SLC19A1: variants seen among roughly 807,000 people sequenced by gnomAD.
SLC19A1 encodes the protein solute carrier family 19 member 1.
Under a neutral mutation model 35.3 loss-of-function variants are expected in SLC19A1, and 37 were observed. The ratio of observed to expected loss-of-function variants is 1.05; its 90% CI spans 0.81 to 1.38. The LOEUF is 1.38. Ranked by LOEUF, SLC19A1 falls within the 40% of genes most tolerant of loss-of-function variation. The pLI, the probability that SLC19A1 is intolerant of heterozygous loss-of-function variation, is 0.00. For missense variants in SLC19A1, 831 were observed against 826.9 expected (o/e 1.00, Z -0.06); for synonymous variants, 460 against 398.5 (o/e 1.15, Z -1.84).
At chr21:45,547,287 A>G (rs959255246), upstream of SLC19A1, among the ~76,000 whole-genome samples, 2 of 152,198 alleles carry the variant, frequency 1.3e-5, no homozygotes, top group Non-Finnish European at 2.9e-5. Flanking sequence ...AACCAAAAAT[A>G]AACTTCTAAG....
At chr21:45,551,731 C>T (rs910475603) in intron 1 of SLC19A1, among the ~76,000 whole-genome samples, 5 of 152,120 alleles carry the variant, frequency 3.3e-5, no homozygotes, top group South Asian at 2.1e-4. Flanking sequence ...CATGGGCTTT[C>T]GAAAAATGCA....
rs777672442 is a variant in SLC19A1, at chr21:45,525,818, T to G, written c.1292A>C (p.Gln431Pro). 6.2e-7 allele frequency: 1 copy of G among 1,613,192 alleles called. No homozygotes were observed. Among genetic ancestry groups the G allele is most frequent in the Admixed American group, 1.7e-5 (1 of 60,020 alleles). The change falls in exon 5 of 6, where the codon CAG (glutamine) becomes CCG (proline). Residue 431 changes from glutamine (Q) to proline (P), a missense_variant and splice_region_variant. Physicochemically the swap from Gln to Pro is moderately conservative, Grantham distance 76. Coordinates refer to ENST00000311124, the MANE Select transcript of SLC19A1 (RefSeq NM_194255.4). ...GACGCAGGCCTGAAATGGGCTCACC[T>G]GCTTGCGGACCGGGAGGCCCAGGCC... ...VRGLGLPVRK[Q>P]FQLYSVYFLI...
chr21:45,556,895 C>T (rs1336075389), intron 1 of SLC19A1, among the ~76,000 whole-genome samples: 1 of 150,960 alleles, frequency 6.6e-6, no homozygotes, highest in Non-Finnish European at 1.5e-5. Flanking sequence ...CCTGGGACGG[C>T]GACTCAGATG....
At chr21:45,511,285 G>A (rs529328722), downstream of SLC19A1, 15 of 920,632 alleles carry the variant, frequency 1.6e-5, no homozygotes, top group Admixed American at 1.8e-4. Context: ...AGGCGGGCGG[G>A]CGGGCTCCTA....
At chr21:45,553,530 T>G (rs943268221) in intron 1 of SLC19A1, among the ~76,000 whole-genome samples, 6 of 151,604 alleles carry the variant, frequency 4.0e-5, no homozygotes, top group African/African-American at 1.5e-4. Context: ...ATTAAGGACA[T>G]TCACACTGTT....
chr21:45,539,628 C>T (rs1419739611), intron 1 of SLC19A1, among the ~76,000 whole-genome samples: 3 of 152,204 alleles, frequency 2.0e-5, no homozygotes, highest in South Asian at 2.1e-4. Context: ...CCCTGAACCG[C>T]CCCCAACCTG....
At chr21:45,554,966 G>C (rs1249223117) in intron 1 of SLC19A1, among the ~76,000 whole-genome samples, 1 of 151,104 alleles carries the variant, frequency 6.6e-6, no homozygotes, top group East Asian at 2.0e-4. Flanking sequence ...CCATTCCCTG[G>C]GTCGATGTTT....
intron 1 of SLC19A1, among the ~76,000 whole-genome samples, chr21:45,541,573 C>A (rs2146458725): frequency 6.6e-6 from 1 of 152,370 alleles, no homozygotes; most frequent in East Asian, 1.9e-4. Flanking sequence ...AGGGGGATGG[C>A]TTTCCTGCTG....
downstream of SLC19A1, chr21:45,512,159 T>C: frequency 1.9e-6 from 3 of 1,597,798 alleles, no homozygotes; most frequent in Non-Finnish European, 2.6e-6. Context: ...CAGGTCTGGG[T>C]TTGACTGACG....
At chr21:45,524,751 C>T (rs1044512687) in intron 5 of SLC19A1, among the ~76,000 whole-genome samples, 5 of 109,178 alleles carry the variant, frequency 4.6e-5, no homozygotes, top group African/African-American at 1.5e-4. Flanking sequence ...CCTAAGCGTT[C>T]ACCCCTGGGC....
chr21:45,518,258 G>C (rs545590653), intron 5 of SLC19A1, among the ~76,000 whole-genome samples: 2 of 152,098 alleles, frequency 1.3e-5, no homozygotes, highest in African/African-American at 4.8e-5. Context: ...AAATAGAAGA[G>C]GCAGAGAAAT....
downstream of SLC19A1, among the ~76,000 whole-genome samples, chr21:45,508,397 T>C (rs2037366506): frequency 7.3e-6 from 1 of 136,092 alleles, no homozygotes; most frequent in South Asian, 2.3e-4. Flanking sequence ...AGATGGATGG[T>C]GGATAGGTAG....
chr21:45,540,779 C>T lies in SLC19A1; in HGVS notation c.-50+1589G>A, dbSNP rs975729818. Among the ~76,000 whole-genome samples the T allele has an allele frequency of 1.4e-4, 22 of 152,162 alleles. No individual in the cohort carries two copies. The South Asian group carries it at 1.7e-3, about 11-fold the overall frequency. The stretch of plus-strand genomic sequence containing the variant: ...AGTCCCCGACCAGACAGGAGGGCCA[C>T]GGGGAAGCAGAGAGAATCCCTGCCT... On this transcript the variant is annotated intron_variant, in intron 1 of 5. Coordinates refer to ENST00000311124, the MANE Select transcript of SLC19A1 (RefSeq NM_194255.4). This position sits in a 1 kb window ranked among gnomAD's most constrained non-coding sequence, Gnocchi z 5.5.
Position 45,540,038 on chromosome 21 carries a change from G to T in SLC19A1, c.-49-2030C>A, listed in dbSNP as rs968938816. ...ACTGCCAGGCCGAGGCAGATCTGAC[G>T]GTCGCCTGCCTCGGCCTCACCTTCC... On this transcript the variant is annotated intron_variant, in intron 1 of 5. Transcript: ENST00000311124. This position sits in a 1 kb window ranked among gnomAD's most constrained non-coding sequence, Gnocchi z 5.5. 6.6e-6 allele frequency among the ~76,000 whole-genome samples: 1 copy of T among 152,162 alleles called. No individual in the cohort carries two copies. The highest frequency in any genetic ancestry group is 1.5e-5 in the Non-Finnish European group (1 of 68,008).
In SLC19A1 at chr21:45,533,082, G is replaced by T. The variant is rs9974325; in HGVS notation, c.190-934C>A. Among the ~76,000 whole-genome samples, 1 of 152,198 alleles carries T rather than the reference G, an allele frequency of 6.6e-6. No individual in the cohort carries two copies. Among genetic ancestry groups the T allele is most frequent in the African/African-American group, 2.4e-5 (1 of 41,456 alleles). On this transcript the variant is annotated intron_variant, in intron 2 of 5. Coordinates refer to ENST00000311124, the MANE Select transcript of SLC19A1 (RefSeq NM_194255.4). This position sits in a 1 kb window ranked among gnomAD's most constrained non-coding sequence, Gnocchi z 4.5. Reference sequence around the variant, plus strand: ...CAGACTCCAACCCAGGAGCAGGGAGGGGGGCAAACGCCCCTGTAGCCGCCC... The same window carrying T: ...CAGACTCCAACCCAGGAGCAGGGAGTGGGGCAAACGCCCCTGTAGCCGCCC...
upstream of SLC19A1, among the ~76,000 whole-genome samples, chr21:45,542,916 C>T (rs1472345584): frequency 1.3e-5 from 2 of 152,126 alleles, no homozygotes; most frequent in Admixed American, 1.3e-4. Context: ...GGCCCACGCG[C>T]CCTCAGGGGT....
At chr21:45,526,180 AG>A (rs2077612485) in intron 4 of SLC19A1, among the ~76,000 whole-genome samples, 1 of 152,276 alleles carries the variant, frequency 6.6e-6, no homozygotes, top group South Asian at 2.1e-4. Context: ...CCATTCTGGG[AG>A]CTGCCGTGTC....
chr21:45,555,205 A>G (rs905671953), intron 1 of SLC19A1, among the ~76,000 whole-genome samples: 540 of 7,228 alleles, frequency 0.075, 103 homozygotes, highest in Admixed American at 0.1. Flanking sequence ...GGGGCGGCGC[A>G]GGGGGCGGTG....
intron 1 of SLC19A1, among the ~76,000 whole-genome samples, chr21:45,559,074 T>C (rs941517185): frequency 1.3e-5 from 2 of 152,172 alleles, no homozygotes; most frequent in African/African-American, 4.8e-5. Context: ...TCCAAAGTGC[T>C]GGGATTACAG....
Sources: allele counts gnomAD v4.1 joint callset (sites outside exome capture counted in the v4.1 genomes callset), GRCh38; gene constraint gnomAD v4.1.1; non-coding constraint Gnocchi (gnomAD v3.1); transcripts MANE v1.5; gene names NCBI Gene and HGNC (gene_info 2026-07-23, HGNC 2026-07-21).